The following MALRD1 variants were observed in gnomAD, a reference collection of about 807,000 sequenced individuals.
MALRD1 encodes the protein MAM and LDL-receptor class A domain-containing protein 1.
Under a neutral mutation model 242.1 loss-of-function variants are expected in MALRD1, and 247 were observed. The ratio of observed to expected loss-of-function variants is 1.02; its 90% CI spans 0.92 to 1.13. MALRD1 has a LOEUF of 1.13. MALRD1 is among the 50% of genes most tolerant of loss of function. MALRD1 has a pLI of 0.00. For missense variants in MALRD1, 2,989 were observed against 2,533.1 expected (o/e 1.18, Z -3.86); for synonymous variants, 995 against 866.6 (o/e 1.15, Z -2.60).
At chr10:19,430,318 C>T (rs2130944589) in intron 28 of MALRD1, among the ~76,000 whole-genome samples, 1 of 151,602 alleles carries the variant, frequency 6.6e-6, no homozygotes, top group East Asian at 2.0e-4. Context: ...TGGGGCTTCA[C>T]TGTGTTAGCC....
rs1044710170 is a variant in MALRD1, at chr10:19,414,008, A to G, written c.4845+24399A>G. On this transcript the variant is annotated intron_variant, in intron 28 of 39. Transcript: ENST00000454679. ...GATTTTTACCAATTGCATTCCTCAT[A>G]ATTGATTCTCCTTCCTTCTAAGATC... is the stretch of plus-strand genomic sequence containing the variant. Among the ~76,000 whole-genome samples, 3 of 151,960 alleles carry G rather than the reference A, an allele frequency of 2.0e-5. No individual in the cohort carries two copies. In the South Asian group the frequency reaches 6.2e-4, roughly 32 times the overall value.
intron 33 of MALRD1, among the ~76,000 whole-genome samples, chr10:19,594,610 A>G (rs1349051767): frequency 6.6e-6 from 1 of 152,208 alleles, no homozygotes; most frequent in African/African-American, 2.4e-5. Context: ...ACAAGTTGAT[A>G]AAGAAAATGT....
intron 13 of MALRD1, among the ~76,000 whole-genome samples, chr10:19,170,963 T>G (rs1834895164): frequency 6.6e-6 from 1 of 152,142 alleles, no homozygotes; most frequent in African/African-American, 2.4e-5. Flanking sequence ...CCTACTACTC[T>G]CTACTCCTTC....
Position 19,219,698 on chromosome 10 carries a change from A to G in MALRD1, c.2991+10018A>G, listed in dbSNP as rs11008981. The stretch of plus-strand genomic sequence containing the variant: ...CTTGGCCTCCCAGAGTGTTGGGATT[A>G]CAGGCATGAGCCACCATACTCAGCC... On this transcript the variant is annotated intron_variant, in intron 18 of 39. Transcript: ENST00000454679. Among the ~76,000 whole-genome samples, 434 of 152,340 alleles carry G rather than the reference A, an allele frequency of 2.8e-3. 1 individual carries two copies. Among genetic ancestry groups the G allele is most frequent in the African/African-American group, 0.01 (419 of 41,578 alleles).
At chr10:19,596,315 A>G (rs1461940904) in intron 34 of MALRD1, among the ~76,000 whole-genome samples, 1 of 152,172 alleles carries the variant, frequency 6.6e-6, no homozygotes, top group African/African-American at 2.4e-5. Context: ...TTTATTATAT[A>G]CCATATACCA....
At chr10:19,588,254 C>T (rs1261941224) in intron 33 of MALRD1, among the ~76,000 whole-genome samples, 2 of 151,958 alleles carry the variant, frequency 1.3e-5, no homozygotes, top group Non-Finnish European at 2.9e-5. Context: ...TTCAGTTCGT[C>T]CATTTTGATT....
intron 8 of MALRD1, among the ~76,000 whole-genome samples, chr10:19,131,128 T>A (rs934071590): frequency 8.5e-5 from 13 of 152,108 alleles, no homozygotes; most frequent in Non-Finnish European, 1.8e-4. Context: ...CAAAGTACAT[T>A]TAAGTCCCAA....
At chr10:19,132,401 T>G (rs1833146183) in intron 8 of MALRD1, among the ~76,000 whole-genome samples, 1 of 152,242 alleles carries the variant, frequency 6.6e-6, no homozygotes, top group Admixed American at 6.5e-5. Context: ...CTTCACTGTC[T>G]TGTGGAAATC....
intron 38 of MALRD1, among the ~76,000 whole-genome samples, chr10:19,697,637 A>G (rs867292964): frequency 3.3e-5 from 5 of 152,148 alleles, no homozygotes; most frequent in African/African-American, 1.2e-4. Context: ...CTCCAGATTC[A>G]TGTTGAACAG....
intron 18 of MALRD1, among the ~76,000 whole-genome samples, chr10:19,223,490 A>G (rs76820707): frequency 6.6e-6 from 1 of 152,054 alleles, no homozygotes; most frequent in South Asian, 2.1e-4. Context: ...TAGGAAACAT[A>G]TTTCTATTTT....
intron 4 of MALRD1, among the ~76,000 whole-genome samples, chr10:19,103,656 G>A (rs1265127860): frequency 6.6e-6 from 1 of 152,056 alleles, no homozygotes; most frequent in Non-Finnish European, 1.5e-5. Flanking sequence ...GGATCCAAAA[G>A]CAGGTAAATG....
chr10:19,334,190 G>A (rs544750513), intron 24 of MALRD1, among the ~76,000 whole-genome samples: 16 of 110,458 alleles, frequency 1.4e-4, no homozygotes, highest in African/African-American at 5.6e-4. Context: ...TCAAGTTTTG[G>A]TTTCATTTCA....
chr10:19,625,147 T>C (rs1199518346), intron 36 of MALRD1, among the ~76,000 whole-genome samples: 2 of 152,046 alleles, frequency 1.3e-5, no homozygotes, highest in Non-Finnish European at 2.9e-5. Context: ...GAGTCCAGAT[T>C]CAAACCTAGT....
intron 2 of MALRD1, among the ~76,000 whole-genome samples, chr10:19,083,154 G>A (rs1835549216): frequency 6.6e-6 from 1 of 152,046 alleles, no homozygotes; most frequent in Non-Finnish European, 1.5e-5. Context: ...ATGTGTGTGT[G>A]TGCAGGGGCA....
At chr10:19,378,308 T>G (rs1278429592) in intron 26 of MALRD1, among the ~76,000 whole-genome samples, 1 of 152,188 alleles carries the variant, frequency 6.6e-6, no homozygotes, top group African/African-American at 2.4e-5. Flanking sequence ...CTTGTGATGA[T>G]AATGATGAAA....
intron 28 of MALRD1, among the ~76,000 whole-genome samples, chr10:19,422,390 A>C (rs1379167712): frequency 6.6e-6 from 1 of 152,228 alleles, no homozygotes; most frequent in Non-Finnish European, 1.5e-5. Context: ...TATAGAGAGT[A>C]AACACAGAAA....
chr10:19,316,147 C>A (rs973467703), intron 21 of MALRD1, among the ~76,000 whole-genome samples: 19 of 149,722 alleles, frequency 1.3e-4, no homozygotes, highest in Admixed American at 2.7e-4. Context: ...AGTAAATTTA[C>A]ATAATTTACT....
intron 19 of MALRD1, among the ~76,000 whole-genome samples, chr10:19,278,519 A>G (rs1564524003): frequency 6.6e-6 from 1 of 152,028 alleles, no homozygotes; most frequent in Non-Finnish European, 1.5e-5. Context: ...CTATCCATCC[A>G]TTTATTCACT....
chr10:19,411,832 A>G (rs1453076771), intron 28 of MALRD1, among the ~76,000 whole-genome samples: 1 of 152,218 alleles, frequency 6.6e-6, no homozygotes, highest in African/African-American at 2.4e-5. Flanking sequence ...ATAGAGCTAT[A>G]TTAAGTTCAT....
Sources: allele counts gnomAD v4.1 joint callset (sites outside exome capture counted in the v4.1 genomes callset), GRCh38; gene constraint gnomAD v4.1.1; transcripts MANE v1.5; gene names NCBI Gene and HGNC (gene_info 2026-07-23, HGNC 2026-07-21).